The following PCDHGA7 variants were observed in gnomAD, a reference collection of about 807,000 sequenced individuals.
PCDHGA7 encodes the protein protocadherin gamma subfamily A, 7.
In PCDHGA7, 44 loss-of-function variants were observed where a neutral mutation model predicts 58.3. The observed-to-expected ratio is 0.75, with a 90% CI of 0.59 to 0.97. The LOEUF (loss-of-function observed/expected upper bound fraction) is 0.97, where lower values mean the gene tolerates loss of function less well. Ranked by LOEUF, PCDHGA7 falls within the 50% of genes least tolerant of loss-of-function variation. PCDHGA7 has a pLI of 0.00. For missense variants in PCDHGA7, 1,266 were observed against 1,188.7 expected (o/e 1.06, Z -0.96); for synonymous variants, 516 against 504.2 (o/e 1.02, Z -0.31).
At chr5:141,506,700 G>A (rs780282969) in intron 3 of PCDHGA7, among the ~76,000 whole-genome samples, 3 of 152,138 alleles carry the variant, frequency 2.0e-5, no homozygotes, top group Non-Finnish European at 2.9e-5. Flanking sequence ...ACCCAAACCC[G>A]TTTTTTACTG....
intron 1 of PCDHGA7, chr5:141,394,313 C>T (rs2092972755): frequency 1.2e-6 from 2 of 1,614,022 alleles, no homozygotes; most frequent in East Asian, 2.2e-5. Flanking sequence ...AGGGGGCGCC[C>T]CTGTCCTCGT....
Position 141,431,485 on chromosome 5 carries a change from T to G in PCDHGA7, c.2424+46162T>G. 2 of 1,613,924 alleles carry G rather than the reference T, an allele frequency of 1.2e-6. No individual in the cohort carries two copies. Among genetic ancestry groups the G allele is most frequent in the Non-Finnish European group, 1.7e-6 (2 of 1,179,990 alleles). ...ATGCGAACGACAACGCACCAGCGTTTGCTCAGCCCGAGTACCGCGCGAGCG... is the reference window on the plus strand; with the variant it reads ...ATGCGAACGACAACGCACCAGCGTTGGCTCAGCCCGAGTACCGCGCGAGCG... On this transcript the variant is annotated intron_variant, in intron 1 of 3. Coordinates refer to ENST00000518325, the MANE Select transcript of PCDHGA7 (RefSeq NM_018920.4). This position sits in a 1 kb window ranked among gnomAD's most constrained non-coding sequence, Gnocchi z 4.8.
At chr5:141,409,821 C>T in intron 1 of PCDHGA7, 1 of 1,610,940 alleles carries the variant, frequency 6.2e-7, no homozygotes, top group Non-Finnish European at 8.5e-7. Flanking sequence ...CACGGCTCGC[C>T]CACGCTCAGC....
In PCDHGA7 at chr5:141,403,600, T is replaced by C. The variant is rs530169293; in HGVS notation, c.2424+18277T>C. 72 of 1,613,786 alleles carry C rather than the reference T, an allele frequency of 4.5e-5. 1 individual carries two copies. The East Asian group carries it at 1.6e-3, about 35-fold the overall frequency. On this transcript the variant is annotated intron_variant, in intron 1 of 3. Coordinates refer to ENST00000518325, the MANE Select transcript of PCDHGA7 (RefSeq NM_018920.4). ...ACCACCTGGTCCTCACGGCCTCGGATGGCGGCGAGCCGCGTCGCTCCAGCA... is the reference window on the plus strand; with the variant it reads ...ACCACCTGGTCCTCACGGCCTCGGACGGCGGCGAGCCGCGTCGCTCCAGCA...
intron 1 of PCDHGA7, chr5:141,402,840 T>C: frequency 7.2e-7 from 1 of 1,388,218 alleles, no homozygotes; most frequent in Non-Finnish European, 9.5e-7. Flanking sequence ...GCAGCAAAAC[T>C]CAGCCTCTTT....
At chr5:141,398,593 G>A (rs2093676056) in intron 1 of PCDHGA7, 1 of 1,614,044 alleles carries the variant, frequency 6.2e-7, no homozygotes, top group Non-Finnish European at 8.5e-7. Flanking sequence ...TATACTAGAA[G>A]TAGCAGAAGA....
Position 141,486,276 on chromosome 5 carries a change from T to C in PCDHGA7, c.2425-8531T>C. The C allele has an allele frequency of 1.2e-6, 2 of 1,613,980 alleles. No homozygotes were observed. The highest frequency in any genetic ancestry group is 1.7e-6 in the Non-Finnish European group (2 of 1,179,974). On this transcript the variant is annotated intron_variant, in intron 1 of 3. Coordinates refer to ENST00000518325, the MANE Select transcript of PCDHGA7 (RefSeq NM_018920.4). The surrounding 1 kb of genome is among the most constrained non-coding windows in gnomAD (Gnocchi z 5.0). ...CCCGAGAGTGCAGAACCTGGCACTG[T>C]GGTGGCACTTATCAGTGTGCAGGAT...
chr5:141,425,934 G>A lies in PCDHGA7; in HGVS notation c.2424+40611G>A, dbSNP rs1237431530. Among the ~76,000 whole-genome samples, 4 of 152,352 alleles carry A rather than the reference G, an allele frequency of 2.6e-5. 1 individual carries two copies. Among genetic ancestry groups the A allele is most frequent in the East Asian group, 1.9e-4 (1 of 5,188 alleles). On this transcript the variant is annotated intron_variant, in intron 1 of 3. Coordinates refer to ENST00000518325, the MANE Select transcript of PCDHGA7 (RefSeq NM_018920.4). ...CAGTCACTACGAAAACTCATAAAAT[G>A]TCTAGTTTCCTATACATTAGTCCAA...
At chr5:141,506,240 G>A (rs918820495) in intron 3 of PCDHGA7, among the ~76,000 whole-genome samples, 8 of 152,184 alleles carry the variant, frequency 5.3e-5, no homozygotes, top group Middle Eastern at 3.4e-3. Flanking sequence ...CATGAGGTCA[G>A]GAGTTCGAAA....
At position 141,494,880 on chromosome 5, in the gene PCDHGA7, C is replaced by G. The variant is rs950094823; in HGVS notation, c.2483+15C>G. On this transcript the variant is annotated intron_variant, in intron 2 of 3. Transcript: ENST00000518325. ...GGCACCAGCGGGTAGGTGACTGATT[C>G]TCCAGCCCACCCTCTTCTCTGCGGC... The G allele has an allele frequency of 3.7e-6, 6 of 1,614,040 alleles. No individual in the cohort carries two copies. The African/African-American group carries it at 6.7e-5, about 18-fold the overall frequency.
chr5:141,437,591 G>T (rs1177672004), intron 1 of PCDHGA7, among the ~76,000 whole-genome samples: 5 of 152,170 alleles, frequency 3.3e-5, no homozygotes, highest in Non-Finnish European at 7.3e-5. Flanking sequence ...GAATTGGATA[G>T]TTCTGGTGTA....
At chr5:141,497,050 G>T (rs113054804) in intron 2 of PCDHGA7, among the ~76,000 whole-genome samples, 5,544 of 152,084 alleles carry the variant, frequency 0.036, 137 homozygotes, top group South Asian at 0.074. Context: ...TTAGCCAGGC[G>T]TGGTGGCAGG....
chr5:141,383,846 A>C lies in PCDHGA7; in HGVS notation c.947A>C (p.Glu316Ala), dbSNP rs745543311. 1 of 1,613,960 alleles carries C rather than the reference A, an allele frequency of 6.2e-7. No homozygotes were observed. The highest frequency in any genetic ancestry group is 1.7e-5 in the Admixed American group (1 of 60,024). ...GLDYEETAFYEMEVQAQDGPG... is the reference protein window; with the variant it reads ...GLDYEETAFYAMEVQAQDGPG... ...GATTATGAAGAAACTGCCTTCTATGAAATGGAGGTTCAGGCTCAAGATGGT... is the reference window on the plus strand; with the variant it reads ...GATTATGAAGAAACTGCCTTCTATGCAATGGAGGTTCAGGCTCAAGATGGT... Residue 316 changes from glutamate to alanine, a missense_variant, in exon 1 of 4, where the codon GAA (glutamate) becomes GCA (alanine). Coordinates refer to ENST00000518325, the MANE Select transcript of PCDHGA7 (RefSeq NM_018920.4).
intron 1 of PCDHGA7, chr5:141,400,399 A>G: frequency 6.2e-7 from 1 of 1,614,054 alleles, no homozygotes; most frequent in Non-Finnish European, 8.5e-7. Context: ...TACAGGAAAG[A>G]CGGAGTTTAA....
chr5:141,422,520 G>T, intron 1 of PCDHGA7: 2 of 1,613,946 alleles, frequency 1.2e-6, no homozygotes, highest in Middle Eastern at 1.6e-4. Flanking sequence ...AGGGAAGCCC[G>T]CCTTTGTCTG....
chr5:141,420,313 C>A, intron 1 of PCDHGA7: 1 of 1,434,874 alleles, frequency 7.0e-7, no homozygotes, highest in Non-Finnish European at 9.4e-7. Flanking sequence ...TTTTATATTA[C>A]AATATGCCAA....
In PCDHGA7 at chr5:141,432,961, A is replaced by T. The variant is rs1457416543; in HGVS notation, c.2424+47638A>T. The T allele has an allele frequency of 1.5e-5, 25 of 1,613,952 alleles. 1 individual carries two copies. The South Asian group carries it at 2.3e-4, about 15-fold the overall frequency. ...AGGCTTCAGGAGGCGGCTTGACAGG[A>T]GCGCCGGCGTCGCACTTTGTGGGCG... On this transcript the variant is annotated intron_variant, in intron 1 of 3. Coordinates refer to ENST00000518325, the MANE Select transcript of PCDHGA7 (RefSeq NM_018920.4). This position sits in a 1 kb window ranked among gnomAD's most constrained non-coding sequence, Gnocchi z 6.0.
chr5:141,437,693 C>G (rs1305650032), intron 1 of PCDHGA7, among the ~76,000 whole-genome samples: 1 of 151,638 alleles, frequency 6.6e-6, no homozygotes, highest in African/African-American at 2.4e-5. Context: ...GAGGCTAAAT[C>G]TCAAGAAAGA....
At chr5:141,434,331 T>C (rs1271938024) in intron 1 of PCDHGA7, among the ~76,000 whole-genome samples, 3 of 152,186 alleles carry the variant, frequency 2.0e-5, no homozygotes, top group Non-Finnish European at 4.4e-5. Context: ...GCTTGTCTCT[T>C]TGTGTCGGGA....
Sources: allele counts gnomAD v4.1 joint callset (sites outside exome capture counted in the v4.1 genomes callset), GRCh38; gene constraint gnomAD v4.1.1; non-coding constraint Gnocchi (gnomAD v3.1); transcripts MANE v1.5; gene names NCBI Gene and HGNC (gene_info 2026-07-23, HGNC 2026-07-21).